Variants in KCND3 observed in about 807,000 individuals in gnomAD.
KCND3 encodes potassium voltage-gated channel subfamily D member 3.
Under a neutral mutation model 51.1 loss-of-function variants are expected in KCND3, and 9 were observed. That is an observed-to-expected ratio of 0.18 (90% CI 0.11 to 0.31). The LOEUF is 0.31. KCND3 is among the 10% of genes least tolerant of loss of function. The probability of loss-of-function intolerance (pLI) is 1.00; values close to 1 mark genes in which losing one functional copy is unlikely to be tolerated. For synonymous variants in KCND3, 349 were observed against 368.0 expected (o/e 0.95, Z 0.59); for missense variants, 526 against 903.8 (o/e 0.58, Z 5.36).
At chr1:111,914,370 G>C (rs1428896671) in intron 2 of KCND3, among the ~76,000 whole-genome samples, 1 of 151,362 alleles carries the variant, frequency 6.6e-6, no homozygotes, top group Non-Finnish European at 1.5e-5. Context: ...GAGAAACACA[G>C]AAGAAATATT....
intron 3 of KCND3, among the ~76,000 whole-genome samples, chr1:111,784,485 A>G (rs1388409490): frequency 6.6e-6 from 1 of 152,230 alleles, no homozygotes; most frequent in African/African-American, 2.4e-5. Flanking sequence ...TAAGGCAAAT[A>G]GTAATAGACT....
At chr1:111,920,946 A>T (rs1055262919) in intron 2 of KCND3, among the ~76,000 whole-genome samples, 2 of 152,110 alleles carry the variant, frequency 1.3e-5, no homozygotes, top group Non-Finnish European at 2.9e-5. Flanking sequence ...GCCTTTCTTC[A>T]TTCTCTAAAC....
chr1:111,958,274 C>T (rs990360055), intron 2 of KCND3, among the ~76,000 whole-genome samples: 28 of 152,300 alleles, frequency 1.8e-4, no homozygotes, highest in African/African-American at 6.7e-4. Context: ...TTCTCGTCCC[C>T]GCTGGGGTTC....
chr1:111,929,128 C>A (rs376381078), intron 2 of KCND3, among the ~76,000 whole-genome samples: 1 of 152,182 alleles, frequency 6.6e-6, no homozygotes, highest in African/African-American at 2.4e-5. Flanking sequence ...GAACTGAGAA[C>A]CCTAAGGAGA....
intron 2 of KCND3, among the ~76,000 whole-genome samples, chr1:111,979,390 A>C (rs545619735): frequency 1.3e-5 from 2 of 152,362 alleles, no homozygotes; most frequent in South Asian, 2.1e-4. Flanking sequence ...CTCAGAAGGA[A>C]ATGTTTTATT....
chr1:111,814,684 C>T (rs9662345), intron 2 of KCND3, among the ~76,000 whole-genome samples: 60,944 of 152,120 alleles, frequency 0.4, 14,301 homozygotes, highest in Non-Finnish European at 0.51. Flanking sequence ...GTATAAAGAT[C>T]TGCTTTAGGA....
chr1:111,930,924 T>C (rs978508491), intron 2 of KCND3, among the ~76,000 whole-genome samples: 2 of 152,214 alleles, frequency 1.3e-5, no homozygotes, highest in Admixed American at 6.5e-5. Context: ...TACAAGGTCA[T>C]TCTGTTTTAA....
At chr1:111,814,396 G>A (rs889578857) in intron 2 of KCND3, among the ~76,000 whole-genome samples, 7 of 152,360 alleles carry the variant, frequency 4.6e-5, no homozygotes, top group African/African-American at 1.4e-4. Context: ...ATTCTACGCC[G>A]TGAGAAGAGG....
At chr1:111,978,894 G>A (rs1363773198) in intron 2 of KCND3, among the ~76,000 whole-genome samples, 22 of 152,314 alleles carry the variant, frequency 1.4e-4, no homozygotes, top group East Asian at 5.8e-4. Context: ...CAAGCAACGA[G>A]CCTGGTAATG....
At chr1:111,857,434 C>T (rs1668127912) in intron 2 of KCND3, among the ~76,000 whole-genome samples, 1 of 152,170 alleles carries the variant, frequency 6.6e-6, no homozygotes, top group East Asian at 1.9e-4. Flanking sequence ...TTGTCCTCCT[C>T]CTCTCCTGGC....
chr1:111,908,823 G>C (rs1320085126), intron 2 of KCND3, among the ~76,000 whole-genome samples: 1 of 151,646 alleles, frequency 6.6e-6, no homozygotes, highest in African/African-American at 2.4e-5. Context: ...CTATTGGGGA[G>C]ACGTGTGTGA....
chr1:111,878,803 G>T (rs1434505081), intron 2 of KCND3, among the ~76,000 whole-genome samples: 5 of 152,182 alleles, frequency 3.3e-5, no homozygotes, highest in Admixed American at 6.5e-5. Context: ...GACTTGGCTA[G>T]GTCAAGGCCA....
chr1:111,870,775 T>A (rs1190747856), intron 2 of KCND3, among the ~76,000 whole-genome samples: 1 of 152,084 alleles, frequency 6.6e-6, no homozygotes, highest in African/African-American at 2.4e-5. Context: ...CACCTATCCA[T>A]CCATTCAATC....
chr1:111,937,787 C>T (rs1672294046), intron 2 of KCND3, among the ~76,000 whole-genome samples: 1 of 152,190 alleles, frequency 6.6e-6, no homozygotes, highest in Admixed American at 6.5e-5. Context: ...CCAGCCTCTC[C>T]ATCCATTCCC....
chr1:111,897,118 G>A (rs1445472440), intron 2 of KCND3, among the ~76,000 whole-genome samples: 2 of 152,202 alleles, frequency 1.3e-5, no homozygotes, highest in African/African-American at 2.4e-5. Context: ...GTTGGGGAAC[G>A]GACACCAGCC....
rs1664081474 is a variant in KCND3, at chr1:111,775,856, A to G, written c.*221T>C. On this transcript the variant is annotated 3_prime_UTR_variant, in exon 8 of 8. Coordinates refer to ENST00000302127, the MANE Select transcript of KCND3 (RefSeq NM_001378969.1). ...TCCCTCCCTTCCTCTGGCCCCAGTG[A>G]GATGCAGTATCACAGGGCTATGTCC... The G allele has an allele frequency of 4.7e-6, 1 of 214,704 alleles. No homozygotes were observed. The highest frequency in any genetic ancestry group is 9.0e-6 in the Non-Finnish European group (1 of 111,620). The allele number at this position is 214,704 out of a possible 1,614,324, so 13.3% of individuals were successfully genotyped here. A position where few individuals can be genotyped will look rare whatever the true frequency, so the allele number is the denominator to read the frequency against.
rs533311893 is a variant in KCND3, at chr1:111,913,083, G to T, written c.1106+68538C>A. 1.2e-4 allele frequency among the ~76,000 whole-genome samples: 18 copies of T among 152,230 alleles called. No homozygotes were observed. The South Asian group carries it at 3.7e-3, about 32-fold the overall frequency. ...GTTCTGCAAGCATCATACCTGATAA[G>T]TGCCCTAATACTGGTATACCATTTT... is the stretch of plus-strand genomic sequence containing the variant. On this transcript the variant is annotated intron_variant, in intron 2 of 7. Transcript: ENST00000302127.
rs1483036958 is a variant in KCND3, at chr1:111,776,261, A to C, written c.1784T>G (p.Leu595Trp). ...SLTTSRSSLN[L>W]KADDGLRPNC... Reference sequence around the variant, plus strand: ...TGGTCTCAGTCCGTCGTCTGCTTTCAAATTAAGGCTGGAGCGACTGGGATA... The same window carrying C: ...TGGTCTCAGTCCGTCGTCTGCTTTCCAATTAAGGCTGGAGCGACTGGGATA... Residue 595 changes from leucine (L) to tryptophan (W), a missense_variant, in exon 8 of 8, where the codon TTG (leucine) becomes TGG (tryptophan). Transcript: ENST00000302127. 6.2e-7 allele frequency: 1 copy of C among 1,614,098 alleles called. No homozygotes were observed. The highest frequency in any genetic ancestry group is 8.5e-7 in the Non-Finnish European group (1 of 1,179,996).
intron 1 of KCND3, among the ~76,000 whole-genome samples, chr1:111,986,868 G>A (rs2102014323): frequency 6.6e-6 from 1 of 152,274 alleles, no homozygotes; most frequent in Middle Eastern, 3.4e-3. Flanking sequence ...GTGTCACTTG[G>A]AAACCAGGGG....
Sources: gnomAD v4.1 joint callset for allele counts (sites outside exome capture counted in the v4.1 genomes callset) on GRCh38, gnomAD v4.1.1 for gene constraint, MANE v1.5 for transcripts, NCBI Gene and HGNC (gene_info 2026-07-23, HGNC 2026-07-21) for gene names.